DNAH11: variants seen among roughly 807,000 people sequenced by gnomAD.
DNAH11 encodes the protein axonemal beta dynein heavy chain 11.
Under a neutral mutation model 526.0 loss-of-function variants are expected in DNAH11, and 442 were observed. That is an observed-to-expected ratio of 0.84 (90% CI 0.78 to 0.91). The LOEUF (loss-of-function observed/expected upper bound fraction) is 0.91, where lower values mean the gene tolerates loss of function less well. Ranked by LOEUF, DNAH11 falls within the 40% of genes least tolerant of loss-of-function variation. The probability of loss-of-function intolerance (pLI) is 0.00; values close to 1 mark genes in which losing one functional copy is unlikely to be tolerated. For synonymous variants in DNAH11, 2,461 were observed against 1,935.9 expected, an observed-to-expected ratio of 1.27 and a Z score of -7.12; for missense variants, 6,989 against 5,448.7, an observed-to-expected ratio of 1.28 and a Z score of -8.90.
chr7:21,821,572 G>A (rs1790051570), intron 65 of DNAH11, among the ~76,000 whole-genome samples: 1 of 151,970 alleles, frequency 6.6e-6, no homozygotes, highest in African/African-American at 2.4e-5. Flanking sequence ...TCTTTTTTAT[G>A]TTTTTTAATT....
chr7:21,889,590 C>G (rs534103362), intron 76 of DNAH11, among the ~76,000 whole-genome samples: 1 of 152,316 alleles, frequency 6.6e-6, no homozygotes, highest in South Asian at 2.1e-4. Flanking sequence ...TTTAGCCATT[C>G]TGGTGGAGGT....
chr7:21,811,261 A>C (rs1789501787), intron 63 of DNAH11, among the ~76,000 whole-genome samples: 1 of 151,906 alleles, frequency 6.6e-6, no homozygotes, highest in Non-Finnish European at 1.5e-5. Flanking sequence ...TCAGGAGTTC[A>C]AGACCAGCCT....
intron 30 of DNAH11, 70 bp from the exon 31 acceptor site, chr7:21,681,476 G>A (rs966075769): frequency 2.6e-5 from 39 of 1,473,362 alleles, no homozygotes; most frequent in South Asian, 6.3e-5. Context: ...TTACAAATAC[G>A]AAGAATTTGG....
chr7:21,803,600 CA>C (rs5882826), intron 62 of DNAH11, among the ~76,000 whole-genome samples: 67,888 of 136,958 alleles, frequency 0.5, 17,290 homozygotes, highest in African/African-American at 0.64. Context: ...ACCTCCTGCC[CA>C]AAAAAAAAAA....
rs375008007 is a variant in DNAH11, at chr7:21,705,505, G to C, written c.6514G>C (p.Val2172Leu). Residue 2172 changes from valine to leucine, a missense_variant, in exon 39 of 82, where the codon GTA becomes CTA. Val to Leu is a conservative substitution (Grantham distance 32). Coordinates refer to ENST00000409508, the MANE Select transcript of DNAH11 (RefSeq NM_001277115.2). ...ELLAVRHSVFVVGNAGTGKSK... is the reference protein window; with the variant it reads ...ELLAVRHSVFLVGNAGTGKSK... ...GTTGGCTGTGCGGCACTCGGTCTTT[G>C]TAGTTGGAAATGCAGGCACAGGAAA... 46 of 1,613,684 alleles carry C rather than the reference G, an allele frequency of 2.9e-5. No individual in the cohort carries two copies. The East Asian group carries it at 3.1e-4, about 11-fold the overall frequency.
At position 21,606,353 on chromosome 7, in the gene DNAH11, G is replaced by T. The variant is rs116840150; in HGVS notation, c.3649-73G>T. On this transcript the variant is annotated intron_variant, in intron 18 of 81. Coordinates refer to ENST00000409508, the MANE Select transcript of DNAH11 (RefSeq NM_001277115.2). ...AAAAAAAAAAAAGAAAGAAATTAGA[G>T]TCATTTAATCCTATAGGGTTGATTT... The T allele has an allele frequency of 1.1e-3, 1,262 of 1,185,056 alleles. 7 individuals carry two copies. The African/African-American group carries it at 0.018, about 17-fold the overall frequency. The allele number at this position is 1,185,056 out of a possible 1,614,324, so 73.4% of individuals were successfully genotyped here.
At position 21,899,318 on chromosome 7, in the gene DNAH11, C is replaced by T; in HGVS notation, c.13050-18C>T. The T allele has an allele frequency of 1.9e-6, 3 of 1,605,052 alleles. No individual in the cohort carries two copies. Among genetic ancestry groups the T allele is most frequent in the Admixed American group, 1.7e-5 (1 of 60,020 alleles). On this transcript the variant is annotated intron_variant, in intron 79 of 81. Transcript: ENST00000409508. ...TTTACTGAACAGCAAGTTTTTCTTC[C>T]TCCCTCCCATAAACCAGGTTCAATG...
intron 66 of DNAH11, among the ~76,000 whole-genome samples, chr7:21,845,405 G>A (rs2189024): frequency 6.6e-6 from 1 of 151,816 alleles, no homozygotes; most frequent in South Asian, 2.1e-4. Flanking sequence ...AAGTAGGGGT[G>A]CACCTTCATT....
intron 30 of DNAH11, among the ~76,000 whole-genome samples, chr7:21,674,896 T>G (rs376936725): frequency 1.1e-4 from 16 of 152,120 alleles, no homozygotes; most frequent in African/African-American, 3.9e-4. Flanking sequence ...CTTCACTAGT[T>G]GCTCACACTA....
intron 15 of DNAH11, 37 bp from the exon 16 acceptor site, chr7:21,600,639 G>A (rs1372042145): frequency 2.6e-6 from 4 of 1,543,042 alleles, no homozygotes; most frequent in South Asian, 2.6e-5. Context: ...AGTAAGGTTG[G>A]TTTGAATAGT....
In DNAH11 at chr7:21,543,299, C is replaced by T. The variant is rs2285942; in HGVS notation, c.54C>T (p.Thr18=). Residue 18 remains threonine, a synonymous_variant, in exon 1 of 82, where the codon ACC becomes ACT. Transcript: ENST00000409508. ...CGCGAGACTTCAGAGAAGCCCCGAC[C>T]CTTCGCCTAACCTCGGGGGCCGGCC... The part of the protein sequence containing the change: ...REARDFREAP[T]LRLTSGAGLE... 204,938 of 1,548,618 alleles carry T rather than the reference C, an allele frequency of 0.13. 14,802 individuals carry two copies. The highest frequency in any genetic ancestry group is 0.15 in the Non-Finnish European group (172,059 of 1,145,952).
chr7:21,818,467 C>T, intron 65 of DNAH11, 128 bp downstream of exon 65: 1 of 996,788 alleles, frequency 1.0e-6, no homozygotes, highest in South Asian at 1.7e-5. Context: ...TTTCATGCAC[C>T]TACACTCCAA....
chr7:21,571,865 C>A lies in DNAH11; in HGVS notation c.1485C>A (p.Thr495=), dbSNP rs746221536. Residue 495 remains threonine, a synonymous_variant, in exon 8 of 82, where the codon ACC becomes ACA. Transcript: ENST00000409508. The part of the protein sequence containing the change: ...EKLERLEFGG[T]KGAILNGQVH... ...TGGAAAGACTGGAATTTGGTGGTAC[C>A]AAAGGAGCAATTTTAAATGGACAAG... 1.3e-5 allele frequency: 21 copies of A among 1,612,850 alleles called. No homozygotes were observed. The highest frequency in any genetic ancestry group is 1.7e-5 in the Non-Finnish European group (20 of 1,179,426).
At chr7:21,774,229 AGGTAGTGTGG>A (rs1787563825) in intron 56 of DNAH11, among the ~76,000 whole-genome samples, 1 of 152,104 alleles carries the variant, frequency 6.6e-6, no homozygotes, top group South Asian at 2.1e-4. Context: ...ACTCAGTGTA[AGGTAGTGTGG>A]GATATTGAAG....
chr7:21,825,703 A>G (rs1215720371), intron 65 of DNAH11, among the ~76,000 whole-genome samples: 2 of 152,026 alleles, frequency 1.3e-5, no homozygotes, highest in South Asian at 2.1e-4. Flanking sequence ...ATGCTTAAAA[A>G]GTGCTTTGAT....
intron 55 of DNAH11, among the ~76,000 whole-genome samples, chr7:21,770,031 A>G (rs1787366483): frequency 6.6e-6 from 1 of 152,304 alleles, no homozygotes; most frequent in Non-Finnish European, 1.5e-5. Flanking sequence ...AAAAAACAGC[A>G]TACAATTTAG....
At chr7:21,570,771 A>G (rs978022964) in intron 7 of DNAH11, 2 of 152,374 alleles carry the variant, frequency 1.3e-5, no homozygotes, top group African/African-American at 4.8e-5. Flanking sequence ...GTAAAAATAA[A>G]ACATGGAAAA....
Position 21,683,768 on chromosome 7 carries a change from T to G in DNAH11, c.5461-16T>G, listed in dbSNP as rs1583591343. The G allele has an allele frequency of 6.4e-7, 1 of 1,573,756 alleles. No individual in the cohort carries two copies. ...CTACCAGTGTCCTGCGTATGATGAT[T>G]ATGCAATGCCTTTAGGTTGTCAGTC... On this transcript the variant is annotated splice_polypyrimidine_tract_variant and intron_variant, in intron 31 of 81. Transcript: ENST00000409508.
chr7:21,612,773 T>C (rs1785584736), intron 20 of DNAH11, among the ~76,000 whole-genome samples: 1 of 152,094 alleles, frequency 6.6e-6, no homozygotes, highest in South Asian at 2.1e-4. Context: ...TACATATAGA[T>C]ACAAACATAC....
Sources: gnomAD v4.1 joint callset for allele counts (sites outside exome capture counted in the v4.1 genomes callset) on GRCh38, gnomAD v4.1.1 for gene constraint, MANE v1.5 for transcripts, NCBI Gene and HGNC (gene_info 2026-07-23, HGNC 2026-07-21) for gene names.